The following CDH13 variants were observed in gnomAD, a reference collection of about 807,000 sequenced individuals.
CDH13 encodes the protein cadherin 13, also known as cadherin-13.
A neutral mutation model predicts 63.8 loss-of-function variants in CDH13; 24 were observed. The observed-to-expected ratio is 0.38, with a 90% CI of 0.27 to 0.53. CDH13 has a LOEUF of 0.53. Among genes scored for constraint, CDH13 ranks in the 20% least tolerant of loss-of-function variants. CDH13 has a pLI of 0.85. For synonymous variants in CDH13, 503 were observed against 355.3 expected, an observed-to-expected ratio of 1.42 and a Z score of -4.67; for missense variants, 1,049 against 903.1, an observed-to-expected ratio of 1.16 and a Z score of -2.07.
chr16:82,649,239 C>CA (rs1216360870), intron 1 of CDH13, among the ~76,000 whole-genome samples: 1 of 151,982 alleles, frequency 6.6e-6, no homozygotes, highest in Non-Finnish European at 1.5e-5. Flanking sequence ...CACACAGGGT[C>CA]CAAACTCAGA....
chr16:83,172,699 A>G (rs1174506199), intron 4 of CDH13, among the ~76,000 whole-genome samples: 2 of 152,002 alleles, frequency 1.3e-5, no homozygotes, highest in Non-Finnish European at 2.9e-5. Context: ...TGAGACAATC[A>G]ATTTCTGTTG....
At chr16:83,223,380 T>A (rs1208022146) in intron 5 of CDH13, among the ~76,000 whole-genome samples, 2 of 152,208 alleles carry the variant, frequency 1.3e-5, no homozygotes, top group Non-Finnish European at 2.9e-5. Context: ...AACCTACCCA[T>A]GAGGGTGGAA....
intron 6 of CDH13, among the ~76,000 whole-genome samples, chr16:83,358,702 A>G (rs1001303013): frequency 1.5e-4 from 23 of 152,176 alleles, no homozygotes; most frequent in Non-Finnish European, 2.2e-4. Flanking sequence ...ACACCTCTGT[A>G]TGCCTTTCAT....
chr16:83,236,694 G>C (rs558218556), intron 5 of CDH13, among the ~76,000 whole-genome samples: 1 of 151,908 alleles, frequency 6.6e-6, no homozygotes, highest in South Asian at 2.1e-4. Flanking sequence ...ATATAAGGGA[G>C]TCCAGTAATT....
chr16:83,425,415 T>A (rs899540119), intron 6 of CDH13, among the ~76,000 whole-genome samples: 1 of 152,258 alleles, frequency 6.6e-6, no homozygotes, highest in Non-Finnish European at 1.5e-5. Flanking sequence ...GCCACTTACC[T>A]GCTGCGTTCC....
At chr16:83,153,802 A>G (rs529992500) in intron 4 of CDH13, among the ~76,000 whole-genome samples, 213 of 152,236 alleles carry the variant, frequency 1.4e-3, no homozygotes, top group Non-Finnish European at 2.6e-3. Context: ...TGTTTAAGCC[A>G]CTCACTTTGT....
chr16:83,191,458 AATATATATATATATATAT>A (rs57044100), intron 4 of CDH13, among the ~76,000 whole-genome samples: 15 of 80,578 alleles, frequency 1.9e-4, no homozygotes, highest in African/African-American at 6.4e-4. Context: ...ACTAATAGGA[AATATATATATATATATAT>A]ATATATATAT....
chr16:82,719,782 G>T (rs1383618320), intron 1 of CDH13, among the ~76,000 whole-genome samples: 2 of 146,998 alleles, frequency 1.4e-5, no homozygotes, highest in East Asian at 2.0e-4. Flanking sequence ...GGAGGCAGAG[G>T]TTGCAGTGAG....
chr16:82,674,591 G>C (rs761435978), intron 1 of CDH13, among the ~76,000 whole-genome samples: 2 of 152,194 alleles, frequency 1.3e-5, no homozygotes, highest in Non-Finnish European at 2.9e-5. Flanking sequence ...GATCAGGTAC[G>C]TGAAACCAGA....
chr16:83,751,113 G>A (rs1056628838), intron 11 of CDH13, among the ~76,000 whole-genome samples: 4 of 152,102 alleles, frequency 2.6e-5, no homozygotes, highest in East Asian at 1.9e-4. Flanking sequence ...TGTGGATACC[G>A]GACTGTTCTA....
chr16:83,009,126 T>C (rs1446119491), intron 2 of CDH13, among the ~76,000 whole-genome samples: 1 of 152,170 alleles, frequency 6.6e-6, no homozygotes, highest in East Asian at 1.9e-4. Flanking sequence ...CAAGATGAAA[T>C]ATGGGTGAAG....
chr16:83,764,459 A>G (rs367954568), intron 11 of CDH13, among the ~76,000 whole-genome samples: 1 of 152,246 alleles, frequency 6.6e-6, no homozygotes, highest in East Asian at 1.9e-4. Flanking sequence ...TTTTGACATT[A>G]AAATACTGTC....
At chr16:83,671,707 T>C (rs1914514435) in intron 9 of CDH13, among the ~76,000 whole-genome samples, 2 of 152,184 alleles carry the variant, frequency 1.3e-5, no homozygotes, top group Admixed American at 1.3e-4. Context: ...AATTATTCCT[T>C]AAAAACACAC....
At position 83,572,093 on chromosome 16, in the gene CDH13, T is replaced by G. The variant is rs1380580499; in HGVS notation, c.961-30361T>G. On this transcript the variant is annotated intron_variant, in intron 7 of 13. Coordinates refer to ENST00000567109, the MANE Select transcript of CDH13 (RefSeq NM_001257.5). ...CTCACAAAGGCTGACATGTGTTAAG[T>G]GATCAGTAGATGTTATTTATTTTTA... is the stretch of plus-strand genomic sequence containing the variant. 2.0e-5 allele frequency among the ~76,000 whole-genome samples: 3 copies of G among 152,160 alleles called. No individual in the cohort carries two copies. In the East Asian group the frequency reaches 5.8e-4, roughly 29 times the overall value.
At chr16:82,714,712 TAAA>T (rs71146088) in intron 1 of CDH13, among the ~76,000 whole-genome samples, 410 of 29,970 alleles carry the variant, frequency 0.014, 2 homozygotes, top group Middle Eastern at 0.06. Context: ...AGACTCCATC[TAAA>T]AAAAAAAAAA....
At chr16:82,909,790 T>C (rs2041770317) in intron 2 of CDH13, among the ~76,000 whole-genome samples, 1 of 152,164 alleles carries the variant, frequency 6.6e-6, no homozygotes, top group African/African-American at 2.4e-5. Flanking sequence ...AGATGAGATC[T>C]GGGTGGGGAC....
intron 7 of CDH13, among the ~76,000 whole-genome samples, chr16:83,519,210 A>G (rs375577271): frequency 5.4e-4 from 83 of 152,316 alleles, no homozygotes; most frequent in African/African-American, 2.0e-3. Flanking sequence ...GAGAAATACC[A>G]GGAGTCTTGT....
At chr16:83,533,618 CTTTT>C (rs11365656) in intron 7 of CDH13, among the ~76,000 whole-genome samples, 1 of 116,096 alleles carries the variant, frequency 8.6e-6, no homozygotes. Flanking sequence ...TTTACATTAT[CTTTT>C]TTTTTTTTTT....
chr16:82,655,964 C>G (rs1567595099), intron 1 of CDH13, among the ~76,000 whole-genome samples: 1 of 151,986 alleles, frequency 6.6e-6, no homozygotes, highest in African/African-American at 2.4e-5. Flanking sequence ...CCTAGACAGC[C>G]CCTTGAACCA....
Sources: allele counts gnomAD v4.1 joint callset (sites outside exome capture counted in the v4.1 genomes callset), GRCh38; gene constraint gnomAD v4.1.1; transcripts MANE v1.5; gene names NCBI Gene and HGNC (gene_info 2026-07-23, HGNC 2026-07-21).